The following MCTP1 variants were observed in gnomAD, a reference collection of about 807,000 sequenced individuals.
MCTP1 encodes the protein multiple C2 and transmembrane domain-containing protein 1.
MCTP1 carries 69 observed loss-of-function variants against 120.6 expected under a neutral mutation model. The ratio of observed to expected loss-of-function variants is 0.57; its 90% CI spans 0.47 to 0.70. The LOEUF is 0.70. Among genes scored for constraint, MCTP1 ranks in the 30% least tolerant of loss-of-function variants. The pLI is 0.00. For synonymous variants in MCTP1, 529 were observed against 493.1 expected, an observed-to-expected ratio of 1.07 and a Z score of -0.96; for missense variants, 1,203 against 1,248.8, an observed-to-expected ratio of 0.96 and a Z score of 0.55.
chr5:94,784,204 C>T (rs148488848), intron 18 of MCTP1, among the ~76,000 whole-genome samples: 4 of 152,144 alleles, frequency 2.6e-5, no homozygotes, highest in Non-Finnish European at 2.9e-5. Context: ...TATTTCTACC[C>T]TAGAGATACG....
chr5:95,060,088 G>A (rs1349787834), intron 1 of MCTP1, among the ~76,000 whole-genome samples: 2 of 152,164 alleles, frequency 1.3e-5, no homozygotes, highest in Non-Finnish European at 2.9e-5. Context: ...TCCCAAGCCT[G>A]GGGCTATTCT....
intron 2 of MCTP1, among the ~76,000 whole-genome samples, chr5:94,982,179 T>C (rs1309668948): frequency 1.3e-5 from 2 of 152,324 alleles, no homozygotes; most frequent in East Asian, 3.9e-4. Context: ...TATGGATTTT[T>C]ACATTTCTTA....
In MCTP1 at chr5:95,127,668, G is replaced by C. The variant is rs927316398; in HGVS notation, c.721-110184C>G. On this transcript the variant is annotated intron_variant, in intron 1 of 22. Coordinates refer to ENST00000515393, the MANE Select transcript of MCTP1 (RefSeq NM_024717.7). Reference sequence around the variant, plus strand: ...GTGTCCAGGAAAAAGAACCGGGGAAGGAAGCTCCTGAAACATCCAACGAGA... The same window carrying C: ...GTGTCCAGGAAAAAGAACCGGGGAACGAAGCTCCTGAAACATCCAACGAGA... Among the ~76,000 whole-genome samples, 62 of 152,136 alleles carry C rather than the reference G, an allele frequency of 4.1e-4. 1 individual carries two copies.
intron 1 of MCTP1, among the ~76,000 whole-genome samples, chr5:95,182,032 C>A (rs1748654750): frequency 6.6e-6 from 1 of 152,044 alleles, no homozygotes; most frequent in Non-Finnish European, 1.5e-5. Context: ...CAAATGATAA[C>A]ACAAAATAAA....
chr5:94,931,703 A>G (rs1047258386), intron 6 of MCTP1: 1 of 440,326 alleles, frequency 2.3e-6, no homozygotes, highest in Non-Finnish European at 4.0e-6. Context: ...TTGCATATAT[A>G]GTTGAGACCA....
intron 1 of MCTP1, among the ~76,000 whole-genome samples, chr5:95,108,282 GAGTGGCT>G (rs1166866061): frequency 6.6e-6 from 1 of 152,180 alleles, no homozygotes. Context: ...TGCGTTACAA[GAGTGGCT>G]AGCCCATGAG....
At chr5:94,970,290 C>A (rs1581632654) in intron 2 of MCTP1, among the ~76,000 whole-genome samples, 1 of 151,736 alleles carries the variant, frequency 6.6e-6, no homozygotes, top group Non-Finnish European at 1.5e-5. Context: ...ATTTGGGATA[C>A]ATATGTATGG....
At chr5:94,731,460 T>C (rs1763120535) in intron 19 of MCTP1, among the ~76,000 whole-genome samples, 1 of 152,252 alleles carries the variant, frequency 6.6e-6, no homozygotes, top group African/African-American at 2.4e-5. Flanking sequence ...ATTACTATTA[T>C]TTGTTACTGT....
At chr5:95,075,568 A>G (rs1753316768) in intron 1 of MCTP1, among the ~76,000 whole-genome samples, 5 of 152,236 alleles carry the variant, frequency 3.3e-5, no homozygotes, top group Non-Finnish European at 7.3e-5. Flanking sequence ...TATAGTTTTC[A>G]GTCCTTAATT....
intron 1 of MCTP1, among the ~76,000 whole-genome samples, chr5:95,136,630 T>C (rs1267070791): frequency 1.3e-5 from 2 of 152,238 alleles, no homozygotes; most frequent in African/African-American, 2.4e-5. Context: ...TAGCTCACAA[T>C]AGAGTTTACA....
intron 10 of MCTP1, among the ~76,000 whole-genome samples, chr5:94,907,101 G>T (rs1272315057): frequency 2.0e-5 from 3 of 152,090 alleles, no homozygotes; most frequent in East Asian, 1.9e-4. Flanking sequence ...AATAAATAAA[G>T]AAACACAACT....
intron 21 of MCTP1, 31 bp downstream of exon 21, chr5:94,710,787 A>G (rs368274470): frequency 1.4e-6 from 2 of 1,411,492 alleles, no homozygotes; most frequent in African/African-American, 2.8e-5. Flanking sequence ...CAGCTAAGAC[A>G]GTTTGGGGGA....
chr5:95,235,931 A>G (rs1475346477), intron 1 of MCTP1, among the ~76,000 whole-genome samples: 1 of 152,198 alleles, frequency 6.6e-6, no homozygotes, highest in Non-Finnish European at 1.5e-5. Flanking sequence ...TGTTTATGTC[A>G]CTAAGTTTAA....
At chr5:94,867,054 A>C (rs1422790064) in intron 17 of MCTP1, 1 of 342,048 alleles carries the variant, frequency 2.9e-6, no homozygotes, top group Non-Finnish European at 4.9e-6. Context: ...TGGAAGTAAT[A>C]GTCTAAAATA....
At chr5:95,117,390 CAAAAAA>C (rs34952779) in intron 1 of MCTP1, among the ~76,000 whole-genome samples, 5 of 66,106 alleles carry the variant, frequency 7.6e-5, no homozygotes, top group African/African-American at 3.2e-4. Flanking sequence ...GACTCCGTCT[CAAAAAA>C]AAAAAAAAAA....
intron 19 of MCTP1, among the ~76,000 whole-genome samples, chr5:94,771,071 T>A (rs559987976): frequency 2.8e-4 from 42 of 152,340 alleles, no homozygotes; most frequent in African/African-American, 9.9e-4. Flanking sequence ...ACCCTTCTTG[T>A]AGAAGCTTGC....
chr5:94,880,509 CA>C (rs1482420155), intron 12 of MCTP1, among the ~76,000 whole-genome samples: 2 of 152,102 alleles, frequency 1.3e-5, no homozygotes, highest in Non-Finnish European at 2.9e-5. Flanking sequence ...TGAAAATTGT[CA>C]TCTGTTAAGT....
intron 1 of MCTP1, among the ~76,000 whole-genome samples, chr5:95,097,173 T>C (rs1756335750): frequency 6.6e-6 from 1 of 152,146 alleles, no homozygotes. Context: ...TCAATGTTAA[T>C]GTATTCATGT....
chr5:95,088,682 C>G (rs1165759760), intron 1 of MCTP1, among the ~76,000 whole-genome samples: 2 of 152,174 alleles, frequency 1.3e-5, no homozygotes, highest in African/African-American at 4.8e-5. Context: ...ATTTTTACAC[C>G]AAACATGCAT....
Sources: allele counts gnomAD v4.1 joint callset (sites outside exome capture counted in the v4.1 genomes callset), GRCh38; gene constraint gnomAD v4.1.1; transcripts MANE v1.5; gene names NCBI Gene and HGNC (gene_info 2026-07-23, HGNC 2026-07-21).